Variants in ITGA9 observed in about 807,000 individuals in gnomAD.
ITGA9 encodes integrin subunit alpha 9.
Under a neutral mutation model 127.8 loss-of-function variants are expected in ITGA9, and 56 were observed. The observed-to-expected ratio is 0.44, with a 90% CI of 0.35 to 0.55. ITGA9 has a LOEUF of 0.55. Among genes scored for constraint, ITGA9 ranks in the 20% least tolerant of loss-of-function variants. ITGA9 has a pLI of 0.00. For synonymous variants in ITGA9, 508 were observed against 514.5 expected (o/e 0.99, Z 0.17); for missense variants, 1,196 against 1,347.1 (o/e 0.89, Z 1.76).
chr3:37,455,751 T>C (rs1025040311), intron 1 of ITGA9, among the ~76,000 whole-genome samples: 2 of 152,170 alleles, frequency 1.3e-5, no homozygotes, highest in African/African-American at 4.8e-5. Context: ...GTTTTACAGG[T>C]GAAAAGATGT....
intron 17 of ITGA9, among the ~76,000 whole-genome samples, chr3:37,669,287 C>G (rs1036812642): frequency 1.3e-5 from 2 of 152,208 alleles, no homozygotes; most frequent in Non-Finnish European, 2.9e-5. Context: ...GGGAGGGTGA[C>G]TTGTTAGCCA....
intron 15 of ITGA9, among the ~76,000 whole-genome samples, chr3:37,580,091 T>C (rs1699696132): frequency 6.6e-6 from 1 of 152,170 alleles, no homozygotes. Flanking sequence ...TGATTCCAGA[T>C]ATTAGGAAAA....
chr3:37,688,865 T>C (rs1559568258), intron 18 of ITGA9, among the ~76,000 whole-genome samples: 1 of 151,970 alleles, frequency 6.6e-6, no homozygotes, highest in African/African-American at 2.4e-5. Context: ...GGTAGGTAGA[T>C]GACTGGCTGG....
At chr3:37,548,364 C>G (rs1331387070) in intron 15 of ITGA9, among the ~76,000 whole-genome samples, 2 of 152,158 alleles carry the variant, frequency 1.3e-5, no homozygotes. Flanking sequence ...TGAACATATT[C>G]TAAGATCGTG....
chr3:37,491,907 C>T (rs1018443348), intron 4 of ITGA9, among the ~76,000 whole-genome samples: 1 of 152,064 alleles, frequency 6.6e-6, no homozygotes, highest in Non-Finnish European at 1.5e-5. Flanking sequence ...AATAGTAGTG[C>T]CCTTAACTCA....
At chr3:37,626,407 C>G (rs1306845313) in intron 15 of ITGA9, among the ~76,000 whole-genome samples, 1 of 152,130 alleles carries the variant, frequency 6.6e-6, no homozygotes, top group East Asian at 1.9e-4. Context: ...CACTTTTAAT[C>G]CCAGCACTTT....
chr3:37,585,618 A>G (rs754926746), intron 15 of ITGA9: 3 of 516,050 alleles, frequency 5.8e-6, no homozygotes, highest in African/African-American at 5.8e-5. Flanking sequence ...ATGCCATATT[A>G]CATTCCAAGA....
rs1169234424 is a variant in ITGA9 at position 37,558,699 on chromosome 3, G to A, written c.1689+16114G>A. Among the ~76,000 whole-genome samples the A allele has an allele frequency of 2.0e-5, 3 of 152,162 alleles. 1 individual carries two copies. The highest frequency in any genetic ancestry group is 4.1e-4 in the South Asian group (2 of 4,830). On this transcript the variant is annotated intron_variant, in intron 15 of 27. Coordinates refer to ENST00000264741, the MANE Select transcript of ITGA9 (RefSeq NM_002207.3). The stretch of plus-strand genomic sequence containing the variant: ...AGATGGAGACTCGTAAGCCATAACC[G>A]CTGCCTCCCAGGAGCTAGTCTGCTG...
intron 1 of ITGA9, among the ~76,000 whole-genome samples, chr3:37,470,318 G>T (rs1427665950): frequency 6.6e-6 from 1 of 152,066 alleles, no homozygotes; most frequent in African/African-American, 2.4e-5. Flanking sequence ...GGTTTTAATG[G>T]TTTATACTGC....
At chr3:37,564,348 A>G (rs1228023620) in intron 15 of ITGA9, among the ~76,000 whole-genome samples, 1 of 152,134 alleles carries the variant, frequency 6.6e-6, no homozygotes, top group Non-Finnish European at 1.5e-5. Context: ...TCTCATCGAT[A>G]AGACCTGTTT....
chr3:37,457,253 T>C (rs944276537), intron 1 of ITGA9, among the ~76,000 whole-genome samples: 5 of 152,186 alleles, frequency 3.3e-5, no homozygotes, highest in African/African-American at 1.2e-4. Context: ...ATGAAAACTT[T>C]TTGCTCACAA....
At chr3:37,768,997 T>C (rs1696811447) in intron 23 of ITGA9, among the ~76,000 whole-genome samples, 1 of 152,146 alleles carries the variant, frequency 6.6e-6, no homozygotes, top group Non-Finnish European at 1.5e-5. Context: ...GGGTTCGTAC[T>C]GGTAAAATGG....
At chr3:37,562,189 T>A (rs187626058) in intron 15 of ITGA9, among the ~76,000 whole-genome samples, 2 of 152,254 alleles carry the variant, frequency 1.3e-5, no homozygotes, top group Admixed American at 1.3e-4. Context: ...CAGCGTTGGA[T>A]GGCATCAGCA....
intron 14 of ITGA9, among the ~76,000 whole-genome samples, chr3:37,540,350 G>T (rs1699253017): frequency 6.6e-6 from 1 of 152,214 alleles, no homozygotes; most frequent in Non-Finnish European, 1.5e-5. Flanking sequence ...CTTTGCTTAA[G>T]CGAACTTGGA....
At chr3:37,531,140 C>G (rs199506690) in intron 13 of ITGA9, among the ~76,000 whole-genome samples, 1 of 34,390 alleles carries the variant, frequency 2.9e-5, no homozygotes, top group African/African-American at 1.1e-4. Flanking sequence ...GAGGCTGGCA[C>G]ATTTGTAGGC....
intron 14 of ITGA9, among the ~76,000 whole-genome samples, chr3:37,540,986 C>G (rs752276285): frequency 1.3e-5 from 2 of 152,216 alleles, no homozygotes; most frequent in Non-Finnish European, 2.9e-5. Flanking sequence ...GGCAAGATCC[C>G]TGAGATGGCA....
chr3:37,656,088 T>C (rs1447347823), intron 17 of ITGA9, among the ~76,000 whole-genome samples: 1 of 152,220 alleles, frequency 6.6e-6, no homozygotes, highest in African/African-American at 2.4e-5. Flanking sequence ...CTGTTTTGGT[T>C]ACTGTGGCCT....
At chr3:37,692,406 A>AGTGT (rs1286569169) in intron 18 of ITGA9, among the ~76,000 whole-genome samples, 7 of 136,666 alleles carry the variant, frequency 5.1e-5, no homozygotes, top group Non-Finnish European at 9.0e-5. Context: ...ATTGAGAGAG[A>AGTGT]GAGAGAGTGT....
At position 37,732,798 on chromosome 3, in the gene ITGA9, G is replaced by T; in HGVS notation, c.2154G>T (p.Lys718Asn). The change falls in exon 19 of 28, where the codon AAG (lysine) becomes AAT (asparagine). Residue 718 changes from lysine (K) to asparagine (N), a missense_variant and splice_region_variant. Coordinates refer to ENST00000264741, the MANE Select transcript of ITGA9 (RefSeq NM_002207.3). ...VGFPFMRSKS[K>N]YEFSVIFDTS... ...TTCCTTTCATGAGGTCAAAGTCAAA[G>T]GTAAGGGACACAGACGGGACCCTTC... 1 of 1,607,676 alleles carries T rather than the reference G, an allele frequency of 6.2e-7. No individual in the cohort carries two copies. The highest frequency in any genetic ancestry group is 8.5e-7 in the Non-Finnish European group (1 of 1,177,172).
Sources: gnomAD v4.1 joint callset for allele counts (sites outside exome capture counted in the v4.1 genomes callset) on GRCh38, gnomAD v4.1.1 for gene constraint, MANE v1.5 for transcripts, NCBI Gene and HGNC (gene_info 2026-07-23, HGNC 2026-07-21) for gene names.